Variants in ERC1 observed in about 807,000 individuals in gnomAD.
ERC1 encodes RAB6 interacting protein 2.
Under a neutral mutation model 132.0 loss-of-function variants are expected in ERC1, and 56 were observed. The observed-to-expected ratio is 0.42, with a 90% CI of 0.34 to 0.53. The LOEUF is 0.53. Ranked by LOEUF, ERC1 falls within the 20% of genes least tolerant of loss-of-function variation. The pLI is 0.03. For missense variants in ERC1, 1,202 were observed against 1,349.9 expected (o/e 0.89, Z 1.72); for synonymous variants, 478 against 476.1 (o/e 1.00, Z -0.05).
At chr12:1,182,089 A>T in intron 10 of ERC1, 24 bp downstream of exon 10, 1 of 1,609,534 alleles carries the variant, frequency 6.2e-7, no homozygotes, top group South Asian at 1.1e-5. Context: ...AAATGGAATT[A>T]GTTTGTTTGC....
At chr12:1,152,337 C>T (rs1256970883) in intron 8 of ERC1, 1 of 152,264 alleles carries the variant, frequency 6.6e-6, no homozygotes, top group Admixed American at 6.6e-5. Context: ...GTTTCTGTGG[C>T]TTTCCTTGTT....
intron 17 of ERC1, among the ~76,000 whole-genome samples, chr12:1,440,600 TTGTGTGTGTGTGTG>T (rs56749397): frequency 0.077 from 3,946 of 51,042 alleles, 195 homozygotes; most frequent in Non-Finnish European, 0.091. Flanking sequence ...CCTCAGCCTT[TTGTGTGTGTGTGTG>T]TGTGTGTGTG....
chr12:1,155,105 G>T (rs898975906), intron 8 of ERC1, among the ~76,000 whole-genome samples: 10 of 152,124 alleles, frequency 6.6e-5, no homozygotes, highest in Middle Eastern at 3.2e-3. Context: ...ATCACCTGTG[G>T]TCAGGAGTTC....
intron 12 of ERC1, among the ~76,000 whole-genome samples, chr12:1,211,151 A>G (rs1043199946): frequency 1.3e-5 from 2 of 152,140 alleles, no homozygotes. Flanking sequence ...AAATTGATAT[A>G]TATATATATA....
chr12:1,370,595 G>A lies in ERC1; in HGVS notation c.2781-1238G>A, dbSNP rs1456711871. ...TAAATTAAATGGATAAAGTATGTAAGTTACAGGATTATTCTTAAAGTAACT... is the reference window on the plus strand; with the variant it reads ...TAAATTAAATGGATAAAGTATGTAAATTACAGGATTATTCTTAAAGTAACT... On this transcript the variant is annotated intron_variant, in intron 15 of 18. Coordinates refer to ENST00000360905, the MANE Select transcript of ERC1 (RefSeq NM_178040.4). Among the ~76,000 whole-genome samples, 5 of 152,204 alleles carry A rather than the reference G, an allele frequency of 3.3e-5. No homozygotes were observed. In the East Asian group the frequency reaches 7.7e-4, roughly 23 times the overall value.
chr12:1,466,887 A>G (rs1459563177), intron 18 of ERC1, among the ~76,000 whole-genome samples: 2 of 152,246 alleles, frequency 1.3e-5, no homozygotes, highest in East Asian at 3.8e-4. Context: ...TATAAATGCT[A>G]TCTTCCTGCT....
In ERC1 at chr12:1,083,473, G is replaced by A. The variant is rs763569269; in HGVS notation, c.979G>A (p.Glu327Lys). 1.9e-6 allele frequency: 3 copies of A among 1,614,092 alleles called. No homozygotes were observed. Among genetic ancestry groups the A allele is most frequent in the Admixed American group, 1.7e-5 (1 of 60,006 alleles). The change falls in exon 3 of 19, where the codon GAG (glutamate) becomes AAG (lysine). Residue 327 changes from glutamate (E) to lysine (K), a missense_variant. By Grantham distance (56) the Glu-to-Lys change is moderately conservative. Coordinates refer to ENST00000360905, the MANE Select transcript of ERC1 (RefSeq NM_178040.4). ...QSKGLSAKAT[E>K]EDHERTRRLA... Reference sequence around the variant, plus strand: ...CAAAGGACTTTCTGCCAAGGCTACCGAGGAAGACCATGAGAGAACAAGACG... The same window carrying A: ...CAAAGGACTTTCTGCCAAGGCTACCAAGGAAGACCATGAGAGAACAAGACG...
intron 1 of ERC1, among the ~76,000 whole-genome samples, chr12:1,005,477 C>A (rs904943097): frequency 6.6e-6 from 1 of 152,106 alleles, no homozygotes; most frequent in Admixed American, 6.6e-5. Flanking sequence ...TAGGCTGAAC[C>A]TTTGCTTGAC....
At chr12:1,102,326 G>C (rs901348433) in intron 3 of ERC1, among the ~76,000 whole-genome samples, 1 of 152,156 alleles carries the variant, frequency 6.6e-6, no homozygotes, top group Non-Finnish European at 1.5e-5. Context: ...AGATAGAGAG[G>C]AGAAGTAATT....
At chr12:1,055,635 T>G (rs1227830616) in intron 2 of ERC1, among the ~76,000 whole-genome samples, 1 of 152,220 alleles carries the variant, frequency 6.6e-6, no homozygotes, top group South Asian at 2.1e-4. Flanking sequence ...CATGTATATA[T>G]AGTGTATATA....
At chr12:1,313,692 A>T (rs56262248) in intron 15 of ERC1, among the ~76,000 whole-genome samples, 2,801 of 149,204 alleles carry the variant, frequency 0.019, 86 homozygotes, top group African/African-American at 0.065. Context: ...ATATTCTAAA[A>T]TTTTTTTTTT....
chr12:1,404,121 T>A (rs1363615596), intron 16 of ERC1, among the ~76,000 whole-genome samples: 1 of 152,208 alleles, frequency 6.6e-6, no homozygotes, highest in Admixed American at 6.5e-5. Context: ...AATTTATTGC[T>A]CACCATTTTG....
intron 8 of ERC1, among the ~76,000 whole-genome samples, chr12:1,164,231 TTTTTATTTTA>T (rs201747298): frequency 1.1e-3 from 146 of 136,098 alleles, no homozygotes; most frequent in Middle Eastern, 3.7e-3. Flanking sequence ...GAACCTGCCC[TTTTTATTTTA>T]TTTTATTTTA....
chr12:1,367,200 A>G (rs1036590082), intron 15 of ERC1, among the ~76,000 whole-genome samples: 1 of 152,250 alleles, frequency 6.6e-6, no homozygotes. Context: ...TCAAAGGTTT[A>G]TTTAGTCCAT....
At chr12:1,435,819 A>G (rs893838620) in intron 17 of ERC1, among the ~76,000 whole-genome samples, 2 of 152,142 alleles carry the variant, frequency 1.3e-5, no homozygotes, top group Non-Finnish European at 2.9e-5. Flanking sequence ...GCCTTTCTCC[A>G]ATGGAAAGGT....
rs1246209058 is a variant in ERC1, at chr12:1,083,545, G to A, written c.1051G>A (p.Glu351Lys). The change falls in exon 3 of 19, where the codon GAG (glutamate) becomes AAG (lysine). Residue 351 changes from glutamate (E) to lysine (K), a missense_variant. Glu to Lys is a moderately conservative substitution (Grantham distance 56). Coordinates refer to ENST00000360905, the MANE Select transcript of ERC1 (RefSeq NM_178040.4). ...CGTTCATCACCTAGAAAGCCTTTTG[G>A]AGCAGAAGGAAAAAGAGAACAGTAT... ...MHVHHLESLLEQKEKENSMLR... is the reference protein window; with the variant it reads ...MHVHHLESLLKQKEKENSMLR... The A allele has an allele frequency of 1.2e-6, 2 of 1,606,870 alleles. No homozygotes were observed. Among genetic ancestry groups the A allele is most frequent in the Admixed American group, 1.7e-5 (1 of 57,690 alleles).
chr12:1,093,298 C>T (rs56153967), intron 3 of ERC1, among the ~76,000 whole-genome samples: 1 of 151,974 alleles, frequency 6.6e-6, no homozygotes, highest in African/African-American at 2.4e-5. Flanking sequence ...TTATTCTTAG[C>T]TTTTGTATTA....
At chr12:1,401,956 A>T (rs1433181726) in intron 16 of ERC1, among the ~76,000 whole-genome samples, 1 of 152,162 alleles carries the variant, frequency 6.6e-6, no homozygotes, top group Non-Finnish European at 1.5e-5. Context: ...ATTAGGAGAC[A>T]TGGAAAACAG....
chr12:1,435,848 C>T (rs1246748283), intron 17 of ERC1, among the ~76,000 whole-genome samples: 2 of 152,140 alleles, frequency 1.3e-5, no homozygotes, highest in Non-Finnish European at 2.9e-5. Flanking sequence ...CTGATATTTA[C>T]ACACAGCTAC....
Sources: gnomAD v4.1 joint callset for allele counts (sites outside exome capture counted in the v4.1 genomes callset) on GRCh38, gnomAD v4.1.1 for gene constraint, MANE v1.5 for transcripts, NCBI Gene and HGNC (gene_info 2026-07-23, HGNC 2026-07-21) for gene names.